The following LHFPL6 variants were observed in gnomAD, a reference collection of about 807,000 sequenced individuals.
The protein encoded by LHFPL6 is LHFPL tetraspan subfamily member 6.
A neutral mutation model predicts 20.6 loss-of-function variants in LHFPL6; 9 were observed. The ratio of observed to expected loss-of-function variants is 0.44; its 90% CI spans 0.26 to 0.76. The LOEUF (loss-of-function observed/expected upper bound fraction) is 0.76. Among genes scored for constraint, LHFPL6 ranks in the 30% least tolerant of loss-of-function variants. The probability of loss-of-function intolerance (pLI) is 0.20; values close to 1 mark genes in which losing one functional copy is unlikely to be tolerated. For synonymous variants in LHFPL6, 105 were observed against 98.7 expected (o/e 1.06, Z -0.38); for missense variants, 218 against 253.5 (o/e 0.86, Z 0.95).
At chr13:39,523,312 G>A (rs1280194298) in intron 2 of LHFPL6, among the ~76,000 whole-genome samples, 1 of 152,172 alleles carries the variant, frequency 6.6e-6, no homozygotes, top group Non-Finnish European at 1.5e-5. Context: ...GCTCACGCCT[G>A]TAATCCCAGC....
intron 2 of LHFPL6, among the ~76,000 whole-genome samples, chr13:39,527,997 T>C (rs1344562559): frequency 6.6e-6 from 1 of 152,228 alleles, no homozygotes; most frequent in African/African-American, 2.4e-5. Context: ...ACCTGACTCC[T>C]AGTTTTTAGA....
At chr13:39,425,233 G>A (rs904434954) in intron 2 of LHFPL6, among the ~76,000 whole-genome samples, 2 of 152,132 alleles carry the variant, frequency 1.3e-5, no homozygotes, top group South Asian at 2.1e-4. Context: ...CACCCTAATT[G>A]AGCATATTAT....
chr13:39,497,961 T>C (rs1273747920), intron 2 of LHFPL6, among the ~76,000 whole-genome samples: 3 of 152,236 alleles, frequency 2.0e-5, no homozygotes, highest in African/African-American at 7.2e-5. Flanking sequence ...TAGTATACAC[T>C]TGTAAAGCTT....
chr13:39,426,904 G>A lies in LHFPL6; in HGVS notation c.386-48378C>T, dbSNP rs369330025. On this transcript the variant is annotated intron_variant, in intron 2 of 3. Coordinates refer to ENST00000379589, the MANE Select transcript of LHFPL6 (RefSeq NM_005780.3). ...TTATAATTTTAGGTTTTACATTTAG[G>A]TATTGACCAATTTTGGGTTAATTTT... 1.3e-3 allele frequency among the ~76,000 whole-genome samples: 192 copies of A among 152,000 alleles called. 6 individuals are homozygous for A. The South Asian group carries it at 0.038, about 30-fold the overall frequency.
rs902534721 is a variant in LHFPL6, at chr13:39,578,583, G to A, written c.385+22249C>T. Among the ~76,000 whole-genome samples the A allele has an allele frequency of 3.3e-5, 5 of 152,284 alleles. No homozygotes were observed. In the East Asian group the frequency reaches 5.8e-4, roughly 18 times the overall value. ...ATTACCAGCACAACACAGAGGACAC[G>A]GGGCAAGCAAGTCATGAACCCCAAA... On this transcript the variant is annotated intron_variant, in intron 2 of 3. Coordinates refer to ENST00000379589, the MANE Select transcript of LHFPL6 (RefSeq NM_005780.3).
At chr13:39,561,516 G>C (rs1871482390) in intron 2 of LHFPL6, among the ~76,000 whole-genome samples, 1 of 152,166 alleles carries the variant, frequency 6.6e-6, no homozygotes, top group Non-Finnish European at 1.5e-5. Flanking sequence ...TGTCACCCAG[G>C]CTGGAGTGCA....
intron 2 of LHFPL6, among the ~76,000 whole-genome samples, chr13:39,516,187 A>G (rs541782987): frequency 7.0e-4 from 107 of 152,188 alleles, no homozygotes; most frequent in Non-Finnish European, 1.2e-3. Flanking sequence ...CAAGCAACAA[A>G]AATCTAACAG....
In LHFPL6 at chr13:39,597,752, A is replaced by G. The variant is rs116078693; in HGVS notation, c.385+3080T>C. ...TCCTTGAGGTATTCCTACTATAGGT[A>G]GAAAATATCCATGTATGGCAGCCCC... On this transcript the variant is annotated intron_variant, in intron 2 of 3. Coordinates refer to ENST00000379589, the MANE Select transcript of LHFPL6 (RefSeq NM_005780.3). 9.4e-3 allele frequency among the ~76,000 whole-genome samples: 1,434 copies of G among 152,366 alleles called. 17 individuals are homozygous for G. The highest frequency in any genetic ancestry group is 0.033 in the African/African-American group (1,357 of 41,580).
intron 2 of LHFPL6, among the ~76,000 whole-genome samples, chr13:39,536,279 G>T (rs1870616143): frequency 6.6e-6 from 1 of 152,194 alleles, no homozygotes; most frequent in African/African-American, 2.4e-5. Context: ...AGGGGAAAAA[G>T]AATGCAGAGA....
intron 2 of LHFPL6, among the ~76,000 whole-genome samples, chr13:39,464,977 T>C (rs977042135): frequency 1.2e-4 from 19 of 152,260 alleles, no homozygotes; most frequent in African/African-American, 4.1e-4. Context: ...GGGGCACTTA[T>C]TAGCCAAAGA....
chr13:39,450,310 A>G (rs1195123977), intron 2 of LHFPL6, among the ~76,000 whole-genome samples: 1 of 152,194 alleles, frequency 6.6e-6, no homozygotes, highest in Non-Finnish European at 1.5e-5. Flanking sequence ...GAGAACCAAT[A>G]TAACTCAATA....
chr13:39,355,159 T>C (rs1869691143), intron 3 of LHFPL6, among the ~76,000 whole-genome samples: 1 of 150,910 alleles, frequency 6.6e-6, no homozygotes, highest in Non-Finnish European at 1.5e-5. Flanking sequence ...GTCAGGTCAC[T>C]TACAAAGGGA....
chr13:39,505,182 G>A (rs942645421), intron 2 of LHFPL6, among the ~76,000 whole-genome samples: 2 of 152,192 alleles, frequency 1.3e-5, no homozygotes, highest in African/African-American at 4.8e-5. Context: ...AGGAGGAAAC[G>A]TGAGGTCAAG....
rs1593313842 is a variant in LHFPL6, at chr13:39,440,439, G to A, written c.386-61913C>T. 2.6e-5 allele frequency among the ~76,000 whole-genome samples: 4 copies of A among 152,094 alleles called. No homozygotes were observed. In the South Asian group the frequency reaches 8.3e-4, roughly 32 times the overall value. Reference sequence around the variant, plus strand: ...AGGCTGAGAGTTCAAGACCCACCTGGGCAACAAAGTGAGATACGAGTCTTT... The same window carrying A: ...AGGCTGAGAGTTCAAGACCCACCTGAGCAACAAAGTGAGATACGAGTCTTT... On this transcript the variant is annotated intron_variant, in intron 2 of 3. Transcript: ENST00000379589.
intron 2 of LHFPL6, among the ~76,000 whole-genome samples, chr13:39,462,752 AT>A (rs1872715443): frequency 6.6e-6 from 1 of 152,178 alleles, no homozygotes; most frequent in Non-Finnish European, 1.5e-5. Context: ...AGTCTGCGTG[AT>A]TCCAAGTTCC....
chr13:39,374,621 T>C (rs1166500466), intron 3 of LHFPL6, among the ~76,000 whole-genome samples: 1 of 152,114 alleles, frequency 6.6e-6, no homozygotes, highest in Non-Finnish European at 1.5e-5. Context: ...ACCATATAAC[T>C]CACAAAGCGG....
At chr13:39,594,856 C>T (rs1314766584) in intron 2 of LHFPL6, among the ~76,000 whole-genome samples, 1 of 152,124 alleles carries the variant, frequency 6.6e-6, no homozygotes, top group South Asian at 2.1e-4. Flanking sequence ...TCTCAGCAAA[C>T]GATCGCAAGG....
chr13:39,450,052 A>T (rs1344161855), intron 2 of LHFPL6, among the ~76,000 whole-genome samples: 1 of 152,106 alleles, frequency 6.6e-6, no homozygotes, highest in Non-Finnish European at 1.5e-5. Flanking sequence ...TGGAGGAGAA[A>T]CTCATACACC....
intron 2 of LHFPL6, among the ~76,000 whole-genome samples, chr13:39,576,482 C>G (rs935716425): frequency 5.9e-5 from 9 of 152,076 alleles, no homozygotes; most frequent in African/African-American, 2.2e-4. Flanking sequence ...AACTGGAAAA[C>G]AAAGAATAAA....
Sources: allele counts gnomAD v4.1 joint callset (sites outside exome capture counted in the v4.1 genomes callset), GRCh38; gene constraint gnomAD v4.1.1; transcripts MANE v1.5; gene names NCBI Gene and HGNC (gene_info 2026-07-23, HGNC 2026-07-21).